THSD7B: variants seen among roughly 807,000 people sequenced by gnomAD.
The protein encoded by THSD7B is thrombospondin type 1 domain containing 7B, also known as thrombospondin type-1 domain-containing protein 7B.
A neutral mutation model predicts 213.6 loss-of-function variants in THSD7B; 138 were observed. That is an observed-to-expected ratio of 0.65 (90% CI 0.56 to 0.74). The LOEUF is 0.74. Among genes scored for constraint, THSD7B ranks in the 30% least tolerant of loss-of-function variants. The pLI, the probability that THSD7B is intolerant of heterozygous loss-of-function variation, is 0.00. For synonymous variants in THSD7B, 742 were observed against 687.0 expected, an observed-to-expected ratio of 1.08 and a Z score of -1.25; for missense variants, 1,931 against 1,991.5, an observed-to-expected ratio of 0.97 and a Z score of 0.58.
intron 1 of THSD7B, among the ~76,000 whole-genome samples, chr2:136,841,464 G>A (rs906190712): frequency 1.3e-5 from 2 of 151,688 alleles, no homozygotes; most frequent in Non-Finnish European, 2.9e-5. Context: ...GGACATGGTG[G>A]TGTGCACCTA....
chr2:137,332,792 C>T (rs115280821), intron 12 of THSD7B, among the ~76,000 whole-genome samples: 222 of 152,266 alleles, frequency 1.5e-3, no homozygotes, highest in African/African-American at 5.1e-3. Flanking sequence ...CTTCTCCCTT[C>T]GCTCAGCTCT....
At chr2:137,552,674 G>T (rs1254931265) in intron 15 of THSD7B, among the ~76,000 whole-genome samples, 1 of 152,150 alleles carries the variant, frequency 6.6e-6, no homozygotes, top group African/African-American at 2.4e-5. Flanking sequence ...ACTTAGCATT[G>T]CATGCATTAC....
chr2:137,451,076 A>G (rs2105066310), intron 15 of THSD7B, 53 bp downstream of exon 15: 2 of 1,435,570 alleles, frequency 1.4e-6, no homozygotes, highest in Middle Eastern at 1.8e-4. Context: ...CCTCATTATT[A>G]TTTCCCATTG....
intron 5 of THSD7B, among the ~76,000 whole-genome samples, chr2:137,144,127 T>C (rs903193118): frequency 6.6e-6 from 1 of 152,018 alleles, no homozygotes; most frequent in African/African-American, 2.4e-5. Flanking sequence ...TGGGTGGAAG[T>C]AATAGCAAGT....
chr2:136,852,608 G>A (rs1683117337), intron 1 of THSD7B, among the ~76,000 whole-genome samples: 1 of 151,966 alleles, frequency 6.6e-6, no homozygotes, highest in African/African-American at 2.4e-5. Context: ...TATTTGTTAT[G>A]GTAGCAATAT....
At chr2:137,239,677 C>T (rs1420191675) in intron 9 of THSD7B, among the ~76,000 whole-genome samples, 1 of 152,202 alleles carries the variant, frequency 6.6e-6, no homozygotes, top group East Asian at 1.9e-4. Flanking sequence ...ACTACTTCCT[C>T]TCCCAACTCC....
chr2:137,092,344 G>A (rs1687964074), intron 3 of THSD7B, among the ~76,000 whole-genome samples: 1 of 152,144 alleles, frequency 6.6e-6, no homozygotes, highest in South Asian at 2.1e-4. Flanking sequence ...GCCTGGGGAG[G>A]TTGAGGCTGC....
intron 2 of THSD7B, among the ~76,000 whole-genome samples, chr2:136,970,682 A>T (rs969310849): frequency 1.3e-5 from 2 of 152,184 alleles, no homozygotes; most frequent in African/African-American, 4.8e-5. Context: ...AACTAGATTG[A>T]AAGATCCTGC....
intron 2 of THSD7B, among the ~76,000 whole-genome samples, chr2:136,971,505 A>G (rs1348512055): frequency 1.3e-5 from 2 of 152,100 alleles, no homozygotes; most frequent in Admixed American, 6.6e-5. Context: ...CTAAGCAAAT[A>G]AAAAAGCATG....
In THSD7B at chr2:137,436,789, G is replaced by C. The variant is rs145544324; in HGVS notation, c.2960-14056G>C. ...AAAATGTTAATAGTTGGTAGCCTTT[G>C]AATGGTGAGAATGTTTTCTTTCTCC... On this transcript the variant is annotated intron_variant, in intron 14 of 27. Coordinates refer to ENST00000409968, the MANE Select transcript of THSD7B (RefSeq NM_001316349.2). Among the ~76,000 whole-genome samples the C allele has an allele frequency of 5.9e-5, 9 of 152,250 alleles. No individual in the cohort carries two copies. The East Asian group carries it at 1.7e-3, about 29-fold the overall frequency.
chr2:136,966,150 A>G (rs1213780601), intron 2 of THSD7B, among the ~76,000 whole-genome samples: 1 of 152,116 alleles, frequency 6.6e-6, no homozygotes. Flanking sequence ...CTTGCTGTCT[A>G]GACTTCCAAC....
chr2:137,136,134 A>C (rs1165179150), intron 5 of THSD7B, among the ~76,000 whole-genome samples: 1 of 152,114 alleles, frequency 6.6e-6, no homozygotes, highest in Non-Finnish European at 1.5e-5. Flanking sequence ...AACATCACAC[A>C]CCAGGGCCTG....
intron 12 of THSD7B, among the ~76,000 whole-genome samples, chr2:137,288,965 T>C (rs1683251946): frequency 6.6e-6 from 1 of 152,074 alleles, no homozygotes; most frequent in South Asian, 2.1e-4. Context: ...ATCATAGTTG[T>C]TCCACTTGCT....
chr2:137,641,144 C>CT (rs1309140874), intron 20 of THSD7B, among the ~76,000 whole-genome samples: 3 of 152,174 alleles, frequency 2.0e-5, no homozygotes, highest in Non-Finnish European at 2.9e-5. Flanking sequence ...AATGTAGAAT[C>CT]TTTGACATCA....
chr2:136,848,558 A>C (rs1191730575), intron 1 of THSD7B, among the ~76,000 whole-genome samples: 1 of 152,156 alleles, frequency 6.6e-6, no homozygotes, highest in Non-Finnish European at 1.5e-5. Context: ...AAATAGCTCT[A>C]ATTTGAAAAT....
intron 12 of THSD7B, among the ~76,000 whole-genome samples, chr2:137,306,387 A>G (rs1014909713): frequency 6.6e-6 from 1 of 152,098 alleles, no homozygotes; most frequent in Admixed American, 6.6e-5. Context: ...TTATAAAACC[A>G]TCACACTTAA....
At chr2:137,489,223 G>A (rs1158163154) in intron 15 of THSD7B, among the ~76,000 whole-genome samples, 6 of 151,782 alleles carry the variant, frequency 4.0e-5, no homozygotes, top group Non-Finnish European at 8.8e-5. Flanking sequence ...TCAGGAGATC[G>A]AGACCATCCT....
chr2:137,548,443 C>T (rs1680782124), intron 15 of THSD7B, among the ~76,000 whole-genome samples: 3 of 151,892 alleles, frequency 2.0e-5, no homozygotes, highest in Admixed American at 2.0e-4. Context: ...TAGCAATGTC[C>T]TCCTTTCTCA....
At chr2:137,495,566 T>C (rs1324857377) in intron 15 of THSD7B, among the ~76,000 whole-genome samples, 1 of 152,154 alleles carries the variant, frequency 6.6e-6, no homozygotes, top group Non-Finnish European at 1.5e-5. Context: ...GGAGGGACTC[T>C]AGAGTGAGTA....
Sources: gnomAD v4.1 joint callset for allele counts (sites outside exome capture counted in the v4.1 genomes callset) on GRCh38, gnomAD v4.1.1 for gene constraint, MANE v1.5 for transcripts, NCBI Gene and HGNC (gene_info 2026-07-23, HGNC 2026-07-21) for gene names.